Variants in NEK6 observed in about 807,000 individuals in gnomAD.
The protein encoded by NEK6 is serine/threonine-protein kinase Nek6.
NEK6 carries 27 observed loss-of-function variants against 43.5 expected under a neutral mutation model. The ratio of observed to expected loss-of-function variants is 0.62; its 90% CI spans 0.46 to 0.86. The LOEUF (loss-of-function observed/expected upper bound fraction) is 0.86. Among genes scored for constraint, NEK6 ranks in the 40% least tolerant of loss-of-function variants. NEK6 has a pLI of 0.00. For missense variants in NEK6, 318 were observed against 414.4 expected, an observed-to-expected ratio of 0.77 and a Z score of 2.02; for synonymous variants, 167 against 164.1, an observed-to-expected ratio of 1.02 and a Z score of -0.14.
rs1179466283 is a variant in NEK6, at chr9:124,343,057, C to T, written c.717+3392C>T. On this transcript the variant is annotated intron_variant, in intron 8 of 9. Transcript: ENST00000320246. This position sits in a 1 kb window ranked among gnomAD's most constrained non-coding sequence, Gnocchi z 5.1. The stretch of plus-strand genomic sequence containing the variant: ...TGCCAGGCCTCACTGAATTCTGGCT[C>T]GGGCAGTCCTCCTCCGAGTCCTCAT... 6.6e-6 allele frequency among the ~76,000 whole-genome samples: 1 copy of T among 152,194 alleles called. No individual in the cohort carries two copies. Among genetic ancestry groups the T allele is most frequent in the Non-Finnish European group, 1.5e-5 (1 of 68,018 alleles).
At position 124,351,611 on chromosome 9, in the gene NEK6, T is replaced by C. The variant is rs1830277858; in HGVS notation, c.*664T>C. The C allele has an allele frequency of 6.6e-6, 1 of 152,264 alleles. No individual in the cohort carries two copies. The highest frequency in any genetic ancestry group is 1.5e-5 in the Non-Finnish European group (1 of 68,096). 9.4% of individuals were successfully genotyped at this position (152,264 alleles called of 1,614,324 possible). On this transcript the variant is annotated 3_prime_UTR_variant, in exon 10 of 10. Transcript: ENST00000320246. ...GCTGGGCCATCTTCTCCTGGACACC[T>C]GCTGTGTACCAGGAACTTCGTCACC...
At chr9:124,257,698 T>C, upstream of NEK6, 1 of 1,533,754 alleles carries the variant, frequency 6.5e-7, no homozygotes, top group Non-Finnish European at 8.7e-7. Flanking sequence ...CCGGAGAAGA[T>C]GGGGAGACGC....
At chr9:124,299,243 A>C (rs1323751137) in intron 1 of NEK6, among the ~76,000 whole-genome samples, 1 of 151,964 alleles carries the variant, frequency 6.6e-6, no homozygotes, top group African/African-American at 2.4e-5. Flanking sequence ...TGAGATAAAG[A>C]TGGAACCTTC....
intron 7 of NEK6, among the ~76,000 whole-genome samples, chr9:124,337,159 G>T (rs999570302): frequency 6.6e-6 from 1 of 152,222 alleles, no homozygotes; most frequent in East Asian, 1.9e-4. Flanking sequence ...GTGATGGAGA[G>T]CTCACTGCTT....
At chr9:124,293,028 A>G in intron 1 of NEK6, 1 of 1,508,138 alleles carries the variant, frequency 6.6e-7, no homozygotes, top group South Asian at 1.3e-5. Context: ...GAGCAAGATC[A>G]TTTCCCAGGC....
At chr9:124,271,263 C>T (rs564451768) in intron 1 of NEK6, among the ~76,000 whole-genome samples, 3 of 152,358 alleles carry the variant, frequency 2.0e-5, no homozygotes, top group East Asian at 3.9e-4. Context: ...AATCGAGTGG[C>T]GCGGTTGCCA....
At chr9:124,285,167 C>T (rs1034580788) in intron 1 of NEK6, among the ~76,000 whole-genome samples, 2 of 152,198 alleles carry the variant, frequency 1.3e-5, no homozygotes, top group Admixed American at 6.5e-5. Flanking sequence ...CACGGTTGAA[C>T]GTCGAGGCAT....
At chr9:124,307,350 T>G (rs4838159) in intron 2 of NEK6, among the ~76,000 whole-genome samples, 34,026 of 152,072 alleles carry the variant, frequency 0.22, 4,063 homozygotes, top group East Asian at 0.52. Context: ...TTCCTGAGAA[T>G]GCCAGCGACA....
intron 1 of NEK6, among the ~76,000 whole-genome samples, chr9:124,286,112 C>A (rs1321784224): frequency 1.3e-5 from 2 of 152,144 alleles, no homozygotes; most frequent in Non-Finnish European, 2.9e-5. Context: ...TTAAACACTG[C>A]CTTTTGCAGA....
At chr9:124,287,692 G>T (rs2119025296) in intron 1 of NEK6, among the ~76,000 whole-genome samples, 1 of 152,194 alleles carries the variant, frequency 6.6e-6, no homozygotes, top group East Asian at 1.9e-4. Context: ...GGGTGTAGTG[G>T]CATGCAGGTA....
chr9:124,302,709 C>G (rs563491190), intron 2 of NEK6, among the ~76,000 whole-genome samples: 1 of 152,246 alleles, frequency 6.6e-6, no homozygotes, highest in Non-Finnish European at 1.5e-5. Context: ...AAATGCTGCT[C>G]CCTCTGGGGA....
rs780407248 is a variant in NEK6 at position 124,326,281 on chromosome 9, C to T, written c.406-49C>T. ...GCAGTGCCCTGTGGCCACCCACCTCCAAGCCCGCTCACCCGGGCCTATCCC... is the reference window on the plus strand; with the variant it reads ...GCAGTGCCCTGTGGCCACCCACCTCTAAGCCCGCTCACCCGGGCCTATCCC... On this transcript the variant is annotated intron_variant, in intron 5 of 9. Transcript: ENST00000320246. The surrounding 1 kb of genome is among the most constrained non-coding windows in gnomAD (Gnocchi z 4.5). 9 of 1,444,952 alleles carry T rather than the reference C, an allele frequency of 6.2e-6. No individual in the cohort carries two copies. In the South Asian group the frequency reaches 1.0e-4, roughly 16 times the overall value. 89.5% of individuals were successfully genotyped at this position (1,444,952 alleles called of 1,614,324 possible).
At chr9:124,260,939 A>G (rs918308818) in intron 1 of NEK6, among the ~76,000 whole-genome samples, 1 of 152,204 alleles carries the variant, frequency 6.6e-6, no homozygotes, top group Non-Finnish European at 1.5e-5. Flanking sequence ...GGAAGGTAGC[A>G]GGCACTGTGG....
At chr9:124,294,790 T>G (rs183679770) in intron 1 of NEK6, among the ~76,000 whole-genome samples, 1 of 152,232 alleles carries the variant, frequency 6.6e-6, no homozygotes, top group Admixed American at 6.5e-5. Context: ...CAGGAGAGAT[T>G]GGCAGGTTCA....
Position 124,292,187 on chromosome 9 carries a change from T to C in NEK6, c.-29-9749T>C. ...ACCAGGCCCCAGGGACCTCCAGGGC[T>C]GGAGCTCCAGGGACCTTGACCTGGC... On this transcript the variant is annotated intron_variant, in intron 1 of 9. Coordinates refer to ENST00000320246, the MANE Select transcript of NEK6 (RefSeq NM_014397.6). 2.4e-5 allele frequency: 30 copies of C among 1,263,402 alleles called. No individual in the cohort carries two copies. The South Asian group carries it at 4.6e-4, about 19-fold the overall frequency. 78.3% of individuals were successfully genotyped at this position (1,263,402 alleles called of 1,614,324 possible).
chr9:124,326,202 T>TCCACC lies in NEK6; in HGVS notation c.406-126_406-125insACCCC. 8.1e-6 allele frequency: 1 copy of TCCACC among 124,052 alleles called. No homozygotes were observed. Among genetic ancestry groups the TCCACC allele is most frequent in the Non-Finnish European group, 2.0e-5 (1 of 50,618 alleles). The allele number at this position is 124,052 out of a possible 1,614,324, so 7.7% of individuals were successfully genotyped here. On this transcript the variant is annotated intron_variant, in intron 5 of 9. Transcript: ENST00000320246. This position sits in a 1 kb window ranked among gnomAD's most constrained non-coding sequence, Gnocchi z 4.5. Reference sequence around the variant, plus strand: ...GCTTATTGTTTGCTCAGTGGCTCAATCCCCCCCCCCCGCCCCTGCCAGGCA... The same window carrying TCCACC: ...GCTTATTGTTTGCTCAGTGGCTCAATCCACCCCCCCCCCCCCGCCCCTGCCAGGCA...
In NEK6 at chr9:124,269,427, G is replaced by A. The variant is rs529873197; in HGVS notation, c.-30+11342G>A. 1.3e-4 allele frequency among the ~76,000 whole-genome samples: 20 copies of A among 151,926 alleles called. No individual in the cohort carries two copies. In the South Asian group the frequency reaches 3.7e-3, roughly 28 times the overall value. ...TCACTCTTGTCACCCAGGCTGGAGT[G>A]CAATGGCACGATCTTGGCTTACCGC... is the stretch of plus-strand genomic sequence containing the variant. On this transcript the variant is annotated intron_variant, in intron 1 of 9. Coordinates refer to ENST00000320246, the MANE Select transcript of NEK6 (RefSeq NM_014397.6).
intron 8 of NEK6, among the ~76,000 whole-genome samples, chr9:124,341,274 A>G (rs919530255): frequency 3.3e-5 from 5 of 152,194 alleles, no homozygotes; most frequent in Non-Finnish European, 2.9e-5. Context: ...ATCTTTCTTT[A>G]TAAGCCAGTG....
intron 7 of NEK6, among the ~76,000 whole-genome samples, chr9:124,328,576 GCTCAAGCCAGGACGT>G (rs1372221776): frequency 6.6e-6 from 1 of 152,206 alleles, no homozygotes; most frequent in Non-Finnish European, 1.5e-5. Flanking sequence ...CCACTCCATG[GCTCAAGCCAGGACGT>G]CTCCTATCCC....
Sources: allele counts gnomAD v4.1 joint callset (sites outside exome capture counted in the v4.1 genomes callset), GRCh38; gene constraint gnomAD v4.1.1; non-coding constraint Gnocchi (gnomAD v3.1); transcripts MANE v1.5; gene names NCBI Gene and HGNC (gene_info 2026-07-23, HGNC 2026-07-21).